The following NCKAP5 variants were observed in gnomAD, a reference collection of about 807,000 sequenced individuals.
NCKAP5 encodes NCK associated protein 5.
Under a neutral mutation model 167.0 loss-of-function variants are expected in NCKAP5, and 92 were observed. That is an observed-to-expected ratio of 0.55 (90% CI 0.47 to 0.66). The LOEUF is 0.66. Ranked by LOEUF, NCKAP5 falls within the 30% of genes least tolerant of loss-of-function variation. The probability of loss-of-function intolerance (pLI) is 0.00; values close to 1 mark genes in which losing one functional copy is unlikely to be tolerated. For synonymous variants in NCKAP5, 891 were observed against 877.4 expected (o/e 1.02, Z -0.27); for missense variants, 2,378 against 2,315.0 (o/e 1.03, Z -0.56).
chr2:133,399,535 T>TG (rs1230001710), intron 3 of NCKAP5, among the ~76,000 whole-genome samples: 3 of 152,126 alleles, frequency 2.0e-5, no homozygotes, highest in Non-Finnish European at 4.4e-5. Context: ...GAGCATTTTG[T>TG]GGGGGGCATT....
chr2:133,094,808 A>G (rs2081295545), intron 6 of NCKAP5, among the ~76,000 whole-genome samples: 1 of 152,210 alleles, frequency 6.6e-6, no homozygotes, highest in Non-Finnish European at 1.5e-5. Flanking sequence ...GCAGAAGGGA[A>G]TTCAGAGAGA....
rs547646242 is a variant in NCKAP5, at chr2:132,728,840, A to G, written c.5556T>C (p.Ser1852=). 5 of 1,612,898 alleles carry G rather than the reference A, an allele frequency of 3.1e-6. No individual in the cohort carries two copies. In the African/African-American group the frequency reaches 4.0e-5, roughly 13 times the overall value. Residue 1852 remains serine (S), a synonymous_variant, in exon 18 of 20, where the codon AGT becomes AGC. Coordinates refer to ENST00000409261, the MANE Select transcript of NCKAP5 (RefSeq NM_207363.3). ...CCTGGGTCCCGGTGGCAGCAACTTC[A>G]CTCCCCCAGTCTGGAAGCGGCTGGC... ...MASQPLPDWG[S]EVAATGTQDK...
At chr2:133,559,594 A>G (rs1444145665) in intron 1 of NCKAP5, among the ~76,000 whole-genome samples, 1 of 152,186 alleles carries the variant, frequency 6.6e-6, no homozygotes, top group African/African-American at 2.4e-5. Flanking sequence ...CACTGAGATT[A>G]TAAGCGTGAG....
intron 2 of NCKAP5, among the ~76,000 whole-genome samples, chr2:133,524,226 C>T (rs751256187): frequency 6.6e-6 from 1 of 152,176 alleles, no homozygotes; most frequent in Non-Finnish European, 1.5e-5. Flanking sequence ...TCTTGATCTC[C>T]GTCCTCTTCT....
At chr2:133,297,430 T>A (rs1185104321) in intron 4 of NCKAP5, among the ~76,000 whole-genome samples, 1 of 152,158 alleles carries the variant, frequency 6.6e-6, no homozygotes. Flanking sequence ...CCTTTGCAAC[T>A]TGAAAACCCA....
At chr2:132,694,223 A>G (rs1021480369) in intron 19 of NCKAP5, among the ~76,000 whole-genome samples, 4 of 152,022 alleles carry the variant, frequency 2.6e-5, no homozygotes, top group African/African-American at 7.3e-5. Context: ...TGAAATAATG[A>G]TTACATTAAT....
chr2:133,630,900 G>C, the NCKAP5 span, among the ~76,000 whole-genome samples: 6 of 152,150 alleles, frequency 3.9e-5, no homozygotes, highest in East Asian at 9.6e-4. Context: ...ATTATGTTTT[G>C]GGAAAATTTC....
chr2:133,292,598 T>C (rs1482166287), intron 4 of NCKAP5, among the ~76,000 whole-genome samples: 1 of 152,206 alleles, frequency 6.6e-6, no homozygotes, highest in Non-Finnish European at 1.5e-5. Flanking sequence ...GCTAATGTCT[T>C]TAGATTAAAT....
chr2:133,214,971 G>C (rs1425160108), intron 4 of NCKAP5, among the ~76,000 whole-genome samples: 1 of 152,190 alleles, frequency 6.6e-6, no homozygotes, highest in African/African-American at 2.4e-5. Flanking sequence ...GAAGACACGT[G>C]CTTTTGTTTG....
intron 3 of NCKAP5, among the ~76,000 whole-genome samples, chr2:133,331,292 A>G (rs972534408): frequency 1.1e-4 from 16 of 152,324 alleles, no homozygotes; most frequent in African/African-American, 3.1e-4. Context: ...ATAGCAAACA[A>G]TTGATGGAGT....
intron 3 of NCKAP5, among the ~76,000 whole-genome samples, chr2:133,476,273 G>A (rs1045636580): frequency 1.9e-4 from 29 of 152,214 alleles, no homozygotes; most frequent in African/African-American, 7.0e-4. Context: ...GCAATGCAAA[G>A]TCAGGTTGCC....
chr2:132,988,426 C>T (rs1474673833), intron 7 of NCKAP5, among the ~76,000 whole-genome samples: 1 of 134,552 alleles, frequency 7.4e-6, no homozygotes, highest in Non-Finnish European at 1.5e-5. Context: ...GGTGCCACTG[C>T]ACTACAGTGT....
chr2:132,681,808 C>T (rs538593210), intron 19 of NCKAP5, among the ~76,000 whole-genome samples: 8 of 152,320 alleles, frequency 5.3e-5, no homozygotes, highest in Non-Finnish European at 1.2e-4. Flanking sequence ...CCTGGAATTA[C>T]TTCCAACAGA....
chr2:133,523,042 T>C (rs1684601168), intron 2 of NCKAP5, among the ~76,000 whole-genome samples: 1 of 151,976 alleles, frequency 6.6e-6, no homozygotes, highest in Non-Finnish European at 1.5e-5. Flanking sequence ...CATACACCCA[T>C]CTCTAGCTAG....
At chr2:133,495,371 C>A (rs1372618106) in intron 3 of NCKAP5, among the ~76,000 whole-genome samples, 2 of 152,098 alleles carry the variant, frequency 1.3e-5, no homozygotes, top group Non-Finnish European at 2.9e-5. Context: ...ACACGCGATT[C>A]CAAAAGGCAA....
At chr2:132,697,094 C>T (rs868683606) in intron 19 of NCKAP5, among the ~76,000 whole-genome samples, 1 of 152,240 alleles carries the variant, frequency 6.6e-6, no homozygotes, top group Middle Eastern at 3.4e-3. Context: ...TGCCACATTC[C>T]CCAGGCTGGT....
At chr2:132,747,796 T>A (rs1208699548) in intron 16 of NCKAP5, among the ~76,000 whole-genome samples, 1 of 152,220 alleles carries the variant, frequency 6.6e-6, no homozygotes, top group Non-Finnish European at 1.5e-5. Context: ...AATGGACACA[T>A]TTTTCCTATG....
chr2:132,884,148 A>G (rs925344309), intron 8 of NCKAP5, among the ~76,000 whole-genome samples: 9 of 152,140 alleles, frequency 5.9e-5, no homozygotes, highest in Admixed American at 2.0e-4. Context: ...AAACCTGTGA[A>G]CACCCCAGTC....
rs141859472 is a variant in NCKAP5 at position 132,763,171 on chromosome 2, C to T, written c.5128+10645G>A. On this transcript the variant is annotated intron_variant, in intron 16 of 19. Transcript: ENST00000409261. ...TGAGCATCATAGTGATCAAAAGTGACGTCTTAACACATAGGTCTTGTTTTG... is the reference window on the plus strand; with the variant it reads ...TGAGCATCATAGTGATCAAAAGTGATGTCTTAACACATAGGTCTTGTTTTG... 5.3e-5 allele frequency among the ~76,000 whole-genome samples: 8 copies of T among 152,254 alleles called. No homozygotes were observed. The South Asian group carries it at 6.2e-4, about 12-fold the overall frequency.
Sources: allele counts gnomAD v4.1 joint callset (sites outside exome capture counted in the v4.1 genomes callset), GRCh38; gene constraint gnomAD v4.1.1; transcripts MANE v1.5; gene names NCBI Gene and HGNC (gene_info 2026-07-23, HGNC 2026-07-21).